Variants in WFDC6 observed in about 807,000 individuals in gnomAD.
WFDC6 encodes WAP four-disulfide core domain 6, also known as WAP four-disulfide core domain protein 6.
WFDC6 carries 10 observed loss-of-function variants against 8.2 expected under a neutral mutation model. That is an observed-to-expected ratio of 1.22 (90% CI 0.75 to 2.07). The LOEUF (loss-of-function observed/expected upper bound fraction) is 2.07. Ranked by LOEUF, WFDC6 falls within the 30% of genes most tolerant of loss-of-function variation. The pLI is 0.00. For synonymous variants in WFDC6, 28 were observed against 37.0 expected (o/e 0.76, Z 0.88); for missense variants, 105 against 104.9 (o/e 1.00, Z 0.00).
At chr20:45,535,893 C>T (rs1349716174) in intron 2 of WFDC6, among the ~76,000 whole-genome samples, 1 of 152,328 alleles carries the variant, frequency 6.6e-6, no homozygotes, top group Non-Finnish European at 1.5e-5. Flanking sequence ...CAACACCCAA[C>T]TTCCCAAACT....
At chr20:45,538,621 T>C (rs919556552) in intron 1 of WFDC6, among the ~76,000 whole-genome samples, 1 of 152,212 alleles carries the variant, frequency 6.6e-6, no homozygotes, top group Admixed American at 6.5e-5. Flanking sequence ...ATGAGTAATA[T>C]GGATGAAGCA....
At chr20:45,535,070 C>G (rs1036306373) in intron 2 of WFDC6, 1 of 1,213,246 alleles carries the variant, frequency 8.2e-7, no homozygotes, top group East Asian at 5.8e-5. Flanking sequence ...TCATCCCCAG[C>G]GCCACCCAGG....
At chr20:45,538,894 G>A (rs1182779474) in intron 1 of WFDC6, among the ~76,000 whole-genome samples, 1 of 152,140 alleles carries the variant, frequency 6.6e-6, no homozygotes, top group Non-Finnish European at 1.5e-5. Flanking sequence ...CATTCCAAGG[G>A]ACTTCTGGAG....
At chr20:45,538,570 A>G (rs2145544553) in intron 1 of WFDC6, among the ~76,000 whole-genome samples, 1 of 152,332 alleles carries the variant, frequency 6.6e-6, no homozygotes, top group East Asian at 1.9e-4. Flanking sequence ...ACACAGTTTG[A>G]CAAGCCATCG....
Position 45,537,944 on chromosome 20 carries a change from T to G in WFDC6, c.222+20A>C, listed in dbSNP as rs1384236873. The G allele has an allele frequency of 6.2e-7, 1 of 1,613,542 alleles. No homozygotes were observed. Among genetic ancestry groups the G allele is most frequent in the Non-Finnish European group, 8.5e-7 (1 of 1,179,798 alleles). On this transcript the variant is annotated intron_variant, in intron 2 of 2. Transcript: ENST00000372670. ...ATAGGAGGTGAGGGCACTGGGTAATTTAGGAAGCATCTGAGTTACCTTTCT... is the reference window on the plus strand; with the variant it reads ...ATAGGAGGTGAGGGCACTGGGTAATGTAGGAAGCATCTGAGTTACCTTTCT...
chr20:45,534,632 T>A lies in WFDC6; in HGVS notation c.223-127A>T, dbSNP rs144930496. On this transcript the variant is annotated intron_variant, in intron 2 of 2. Coordinates refer to ENST00000372670, the MANE Select transcript of WFDC6 (RefSeq NM_080827.2). ...TCTTTGGGCAGGAATGGAATGAAGG[T>A]GAGTTTGGGGGCTCCTAGAATGATC... 4 of 1,128,008 alleles carry A rather than the reference T, an allele frequency of 3.5e-6. No homozygotes were observed. In the Admixed American group the frequency reaches 6.4e-5, roughly 18 times the overall value. 69.9% of individuals were successfully genotyped at this position (1,128,008 alleles called of 1,614,324 possible).
intron 2 of WFDC6, among the ~76,000 whole-genome samples, chr20:45,535,977 C>T (rs1264277202): frequency 6.6e-6 from 1 of 152,244 alleles, no homozygotes; most frequent in African/African-American, 2.4e-5. Flanking sequence ...CCCCCTCTTG[C>T]TAAGTGAACT....
chr20:45,535,245 A>G, intron 2 of WFDC6: 1 of 1,304,192 alleles, frequency 7.7e-7, no homozygotes, highest in Non-Finnish European at 1.0e-6. Flanking sequence ...ATGAATTCGG[A>G]GCAGATCTTA....
At chr20:45,535,301 G>A in intron 2 of WFDC6, 1 of 1,304,002 alleles carries the variant, frequency 7.7e-7, no homozygotes, top group Non-Finnish European at 1.0e-6. Context: ...CCAGGCAGGG[G>A]CCAGCCTCCT....
rs756012714 is a variant in WFDC6 at position 45,539,414 on chromosome 20, A to T, written c.-7T>A. 6.2e-7 allele frequency: 1 copy of T among 1,613,408 alleles called. No homozygotes were observed. The highest frequency in any genetic ancestry group is 8.5e-7 in the Non-Finnish European group (1 of 1,179,486). The stretch of plus-strand genomic sequence containing the variant: ...GAAGTCCTGAGAGTCCCATTTTAGG[A>T]AGTACTGGCCTGGTTGATGGCACCA... On this transcript the variant is annotated 5_prime_UTR_variant, in exon 1 of 3. Coordinates refer to ENST00000372670, the MANE Select transcript of WFDC6 (RefSeq NM_080827.2).
rs2145545682 is a variant in WFDC6 at position 45,539,473 on chromosome 20, C to G, written c.-66G>C. 2 of 1,472,508 alleles carry G rather than the reference C, an allele frequency of 1.4e-6. No individual in the cohort carries two copies. Among genetic ancestry groups the G allele is most frequent in the South Asian group, 2.3e-5 (2 of 87,838 alleles). 91.2% of individuals were successfully genotyped at this position (1,472,508 alleles called of 1,614,324 possible). On this transcript the variant is annotated 5_prime_UTR_variant, in exon 1 of 3. Transcript: ENST00000372670. The stretch of plus-strand genomic sequence containing the variant: ...AACTGCTCCTCAGCAGCTCCTACAT[C>G]TGCACTTTGCCTGCCCCGGTGTGGC...
rs922855892 is a variant in WFDC6, at chr20:45,539,437, C to T, written c.-30G>A. ...GGAAGTACTGGCCTGGTTGATGGCA[C>T]CAAAACTAAGAACTGCTCCTCAGCA... On this transcript the variant is annotated 5_prime_UTR_variant, in exon 1 of 3. The change creates a new upstream start codon in the 5' untranslated region. Coordinates refer to ENST00000372670, the MANE Select transcript of WFDC6 (RefSeq NM_080827.2). 6.9e-6 allele frequency: 11 copies of T among 1,603,374 alleles called. No homozygotes were observed. Among genetic ancestry groups the T allele is most frequent in the East Asian group, 2.2e-5 (1 of 44,788 alleles).
chr20:45,538,089 A>C lies in WFDC6; in HGVS notation c.97T>G (p.Cys33Gly). ...TCGCATTCCACTTTGATTTTGGGAC[A>C]CGGCTCTAAGGGAGGGGAAGATATA... Reference protein sequence around the residue: ...GHAEGILGKPCPKIKVECEVE... With the variant: ...GHAEGILGKPGPKIKVECEVE... Residue 33 changes from cysteine (C) to glycine (G), a missense_variant, in exon 2 of 3, where the codon TGT (cysteine) becomes GGT (glycine). Coordinates refer to ENST00000372670, the MANE Select transcript of WFDC6 (RefSeq NM_080827.2). 1.2e-6 allele frequency: 2 copies of C among 1,613,952 alleles called. No individual in the cohort carries two copies. The highest frequency in any genetic ancestry group is 1.7e-6 in the Non-Finnish European group (2 of 1,179,890).
At chr20:45,538,517 T>A (rs1269422300) in intron 1 of WFDC6, among the ~76,000 whole-genome samples, 1 of 152,188 alleles carries the variant, frequency 6.6e-6, no homozygotes, top group Non-Finnish European at 1.5e-5. Flanking sequence ...TGAGCCTTGA[T>A]TTCCTCATTT....
intron 2 of WFDC6, chr20:45,537,050 C>G (rs184504453): frequency 4.1e-4 from 67 of 164,622 alleles, no homozygotes; most frequent in Non-Finnish European, 7.1e-4. Context: ...GTATGTCAAC[C>G]TAAAGTAACA....
At position 45,534,275 on chromosome 20, in the gene WFDC6, G is replaced by C; in HGVS notation, c.*192C>G. The C allele has an allele frequency of 1.5e-6, 1 of 664,310 alleles. No individual in the cohort carries two copies. The highest frequency in any genetic ancestry group is 2.7e-6 in the Non-Finnish European group (1 of 375,348). The allele number at this position is 664,310 out of a possible 1,614,324, so 41.2% of individuals were successfully genotyped here. ...GGGGGGTCTGAAAGTTGAAGACATA[G>C]AGTTTCATACTGAGAAGTGGTCAAG... On this transcript the variant is annotated 3_prime_UTR_variant, in exon 3 of 3. Coordinates refer to ENST00000372670, the MANE Select transcript of WFDC6 (RefSeq NM_080827.2).
At chr20:45,535,345 A>C (rs1979325796) in intron 2 of WFDC6, 3 of 1,295,284 alleles carry the variant, frequency 2.3e-6, no homozygotes. Flanking sequence ...GGGAGATCGC[A>C]GAATAGAGCT....
chr20:45,537,566 A>G lies in WFDC6; in HGVS notation c.222+398T>C, dbSNP rs1979412928. 11 of 1,549,822 alleles carry G rather than the reference A, an allele frequency of 7.1e-6. No homozygotes were observed. The African/African-American group carries it at 9.6e-5, about 13-fold the overall frequency. On this transcript the variant is annotated intron_variant, in intron 2 of 2. Coordinates refer to ENST00000372670, the MANE Select transcript of WFDC6 (RefSeq NM_080827.2). ...ACAGAGAGGCCTAGAGAAAAAAGCC[A>G]GGAAATACAGATTATATACCTGTCT...
intron 2 of WFDC6, chr20:45,535,319 ACTGCATATAT>A (rs1328133249): frequency 1.5e-6 from 2 of 1,303,520 alleles, no homozygotes; most frequent in Admixed American, 2.3e-5. Context: ...CCTGTGGCAT[ACTGCATATAT>A]CTGCAGGGAG....
Sources: gnomAD v4.1 joint callset for allele counts (sites outside exome capture counted in the v4.1 genomes callset) on GRCh38, gnomAD v4.1.1 for gene constraint, MANE v1.5 for transcripts, NCBI Gene and HGNC (gene_info 2026-07-23, HGNC 2026-07-21) for gene names.